Variants in DNAH14 observed in about 807,000 individuals in gnomAD.
The protein encoded by DNAH14 is dynein axonemal heavy chain 14, also known as axonemal beta dynein heavy chain 14.
In DNAH14, 478 loss-of-function variants were observed where a neutral mutation model predicts 520.9. The observed-to-expected ratio is 0.92, with a 90% CI of 0.85 to 0.99. The LOEUF (loss-of-function observed/expected upper bound fraction) is 0.99, where lower values mean the gene tolerates loss of function less well. Among genes scored for constraint, DNAH14 ranks in the 50% least tolerant of loss-of-function variants. The probability of loss-of-function intolerance (pLI) is 0.00; values close to 1 mark genes in which losing one functional copy is unlikely to be tolerated. For synonymous variants in DNAH14, 1,581 were observed against 1,757.2 expected (o/e 0.90, Z 2.51); for missense variants, 4,831 against 5,234.5 (o/e 0.92, Z 2.38).
intron 66 of DNAH14, among the ~76,000 whole-genome samples, chr1:225,335,837 A>ATACATACACATGTACATATG (rs1558437059): frequency 9.2e-6 from 1 of 109,042 alleles, no homozygotes; most frequent in Admixed American, 9.2e-5. Flanking sequence ...ATGTACATAT[A>ATACATACACATGTACATATG]TGTACATACA....
rs1226504547 is a variant in DNAH14, at chr1:225,232,866, G to A, written c.6518+1715G>A. ...GCAGGTTTGTTACATAGGTAAATGTGTGCCATGGTGGTTTGCTGCACAGAT... is the reference window on the plus strand; with the variant it reads ...GCAGGTTTGTTACATAGGTAAATGTATGCCATGGTGGTTTGCTGCACAGAT... On this transcript the variant is annotated intron_variant, in intron 42 of 85. Coordinates refer to ENST00000682510, the MANE Select transcript of DNAH14 (RefSeq NM_001367479.1). The surrounding 1 kb of genome is among the most constrained non-coding windows in gnomAD (Gnocchi z 4.2). Among the ~76,000 whole-genome samples, 1 of 152,158 alleles carries A rather than the reference G, an allele frequency of 6.6e-6. No homozygotes were observed. Among genetic ancestry groups the A allele is most frequent in the Non-Finnish European group, 1.5e-5 (1 of 68,028 alleles).
Position 225,240,580 on chromosome 1 carries a change from C to G in DNAH14, c.6519-13C>G. The G allele has an allele frequency of 1.4e-6, 2 of 1,473,440 alleles. No individual in the cohort carries two copies. Among genetic ancestry groups the G allele is most frequent in the Non-Finnish European group, 1.9e-6 (2 of 1,078,012 alleles). The allele number at this position is 1,473,440 out of a possible 1,614,324, so 91.3% of individuals were successfully genotyped here. On this transcript the variant is annotated splice_polypyrimidine_tract_variant and intron_variant, in intron 42 of 85. Coordinates refer to ENST00000682510, the MANE Select transcript of DNAH14 (RefSeq NM_001367479.1). ...AATGTTAACCTTCATCCTTCCATAC[C>G]TGTCTACCCCAGGGATGAAAATACA... is the stretch of plus-strand genomic sequence containing the variant.
chr1:224,963,758 A>T (rs2125577572), intron 4 of DNAH14, among the ~76,000 whole-genome samples: 1 of 152,234 alleles, frequency 6.6e-6, no homozygotes, highest in East Asian at 1.9e-4. Flanking sequence ...AAATGTAAAG[A>T]GGGACTCACT....
chr1:225,358,800 C>T lies in DNAH14; in HGVS notation c.11776+148C>T, dbSNP rs985575201. On this transcript the variant is annotated intron_variant, in intron 74 of 85. Transcript: ENST00000682510. ...AATTGGATCATGGGGATGGTTCCCC[C>T]CATGCTGTTCTCATGATAGTGAGTG... is the stretch of plus-strand genomic sequence containing the variant. The T allele has an allele frequency of 2.2e-5, 17 of 770,800 alleles. No homozygotes were observed. In the Admixed American group the frequency reaches 4.9e-4, roughly 22 times the overall value. 47.7% of individuals were successfully genotyped at this position (770,800 alleles called of 1,614,324 possible). A position where few individuals can be genotyped will look rare whatever the true frequency, so the allele number is the denominator to read the frequency against.
At chr1:225,035,311 T>G (rs1250615254) in intron 11 of DNAH14, among the ~76,000 whole-genome samples, 1 of 151,980 alleles carries the variant, frequency 6.6e-6, no homozygotes, top group East Asian at 1.9e-4. Flanking sequence ...CTCTCTGTTT[T>G]TTTAGTTAAT....
At chr1:225,048,036 C>T (rs1431428428) in intron 15 of DNAH14, among the ~76,000 whole-genome samples, 1 of 152,194 alleles carries the variant, frequency 6.6e-6, no homozygotes, top group African/African-American at 2.4e-5. Context: ...TCCATCATCC[C>T]CCAGTTCCCT....
At chr1:224,996,940 G>A (rs1049024748) in intron 8 of DNAH14, among the ~76,000 whole-genome samples, 2 of 152,120 alleles carry the variant, frequency 1.3e-5, no homozygotes, top group Non-Finnish European at 2.9e-5. Context: ...GCGCTGTGGT[G>A]GGTATTTCTC....
At position 225,168,690 on chromosome 1, in the gene DNAH14, G is replaced by A. The variant is rs140566408; in HGVS notation, c.5535+662G>A. 3.9e-3 allele frequency among the ~76,000 whole-genome samples: 590 copies of A among 152,318 alleles called. 5 individuals carry two copies. Among genetic ancestry groups the A allele is most frequent in the African/African-American group, 0.013 (554 of 41,570 alleles). ...GGTGGAGCCCACCGCAGCTCAAGGA[G>A]GCCTGCCTGCCTCTGTAGACTGCAC... On this transcript the variant is annotated intron_variant, in intron 36 of 85. Coordinates refer to ENST00000682510, the MANE Select transcript of DNAH14 (RefSeq NM_001367479.1).
At chr1:225,294,666 C>CA (rs771000300) in intron 55 of DNAH14, among the ~76,000 whole-genome samples, 70 of 151,468 alleles carry the variant, frequency 4.6e-4, no homozygotes, top group Non-Finnish European at 8.4e-4. Flanking sequence ...ACTAAAAGTA[C>CA]AAAAAAAATT....
chr1:225,255,693 T>C (rs1458314567), intron 44 of DNAH14, among the ~76,000 whole-genome samples: 2 of 152,316 alleles, frequency 1.3e-5, no homozygotes, highest in African/African-American at 4.8e-5. Flanking sequence ...CAAATAATAT[T>C]TTCAAATTTA....
In DNAH14 at chr1:225,264,078, A is replaced by T. The variant is rs994840085; in HGVS notation, c.7158-119A>T. The T allele has an allele frequency of 2.2e-5, 18 of 805,480 alleles. No homozygotes were observed. In the African/African-American group the frequency reaches 2.5e-4, roughly 11 times the overall value. The allele number at this position is 805,480 out of a possible 1,614,324, so 49.9% of individuals were successfully genotyped here. ...CTGAAAAGGTGGAAACAGAAAAAAA[A>T]TTTTTCTTGTAAGAGTTAGAAGTAA... is the stretch of plus-strand genomic sequence containing the variant. On this transcript the variant is annotated intron_variant, in intron 46 of 85. Coordinates refer to ENST00000682510, the MANE Select transcript of DNAH14 (RefSeq NM_001367479.1).
intron 37 of DNAH14, 148 bp downstream of exon 37, chr1:225,185,573 A>AT: frequency 1.2e-6 from 1 of 807,688 alleles, no homozygotes; most frequent in Non-Finnish European, 1.8e-6. Flanking sequence ...AATGAGTGGG[A>AT]TTTTTAACTT....
intron 54 of DNAH14, among the ~76,000 whole-genome samples, chr1:225,283,087 C>T (rs964059245): frequency 7.4e-5 from 11 of 149,564 alleles, no homozygotes; most frequent in Non-Finnish European, 1.2e-4. Context: ...GCCAAGAAAA[C>T]GAAGATAGAG....
rs561823380 is a variant in DNAH14, at chr1:225,341,350, G to A, written c.10678+649G>A. 8.9e-4 allele frequency among the ~76,000 whole-genome samples: 135 copies of A among 152,260 alleles called. 1 individual carries two copies. Among genetic ancestry groups the A allele is most frequent in the African/African-American group, 3.1e-3 (127 of 41,540 alleles). On this transcript the variant is annotated intron_variant, in intron 69 of 85. Transcript: ENST00000682510. ...TTAAAACATGCTGTTGGCCGGGCAC[G>A]GTGGCTCACGCCTGTAATCCCAACA...
intron 36 of DNAH14, among the ~76,000 whole-genome samples, chr1:225,169,037 CAG>C (rs2149208509): frequency 6.6e-6 from 1 of 152,292 alleles, no homozygotes; most frequent in African/African-American, 2.4e-5. Context: ...CCCAGACAAA[CAG>C]GGTCTGGAAT....
chr1:225,113,280 C>T (rs556225424), intron 23 of DNAH14, among the ~76,000 whole-genome samples: 1 of 152,286 alleles, frequency 6.6e-6, no homozygotes, highest in East Asian at 1.9e-4. Flanking sequence ...GAAGAATTCT[C>T]CAGATTACCA....
intron 7 of DNAH14, among the ~76,000 whole-genome samples, chr1:224,971,995 T>A (rs1361835655): frequency 6.6e-6 from 1 of 152,222 alleles, no homozygotes; most frequent in African/African-American, 2.4e-5. Context: ...TCTGTATCTT[T>A]TTATTTGAAA....
rs1479083621 is a variant in DNAH14 at position 225,147,197 on chromosome 1, A to G, written c.4888A>G (p.Ile1630Val). The stretch of plus-strand genomic sequence containing the variant: ...AATTGATTTGGAAGTTCTCTCTGTC[A>G]TTGCCTCACAGATCCTAACAATTAA... The part of the protein sequence containing the change: ...NLIDLEVLSV[I>V]ASQILTIKAA... Residue 1630 changes from isoleucine to valine, a missense_variant, in exon 31 of 86, where the codon ATT becomes GTT. Physicochemically the swap from Ile to Val is conservative, Grantham distance 29. Transcript: ENST00000682510. 5 of 1,550,766 alleles carry G rather than the reference A, an allele frequency of 3.2e-6. No homozygotes were observed. The African/African-American group carries it at 6.9e-5, about 21-fold the overall frequency.
intron 17 of DNAH14, among the ~76,000 whole-genome samples, chr1:225,062,308 G>A (rs569969367): frequency 1.3e-5 from 2 of 152,060 alleles, no homozygotes; most frequent in African/African-American, 4.8e-5. Flanking sequence ...CAAAAAGAGA[G>A]AGAGAGAGAG....
Sources: gnomAD v4.1 joint callset for allele counts (sites outside exome capture counted in the v4.1 genomes callset) on GRCh38, gnomAD v4.1.1 for gene constraint, Gnocchi (gnomAD v3.1) non-coding constraint, MANE v1.5 for transcripts, NCBI Gene and HGNC (gene_info 2026-07-23, HGNC 2026-07-21) for gene names.